Variants in APOBEC4 observed in about 807,000 individuals in gnomAD.
The protein encoded by APOBEC4 is putative deaminase APOBEC-4.
For synonymous variants in APOBEC4, 141 were observed against 154.2 expected, an observed-to-expected ratio of 0.91 and a Z score of 0.63; for missense variants, 375 against 441.2, an observed-to-expected ratio of 0.85 and a Z score of 1.34.
chr1:183,650,055 C>G (rs1179321836), intron 1 of APOBEC4, among the ~76,000 whole-genome samples: 1 of 152,168 alleles, frequency 6.6e-6, no homozygotes, highest in Non-Finnish European at 1.5e-5. Context: ...TCAAGTGATC[C>G]TCCTACCTTG....
At position 183,647,326 on chromosome 1, in the gene APOBEC4, T is replaced by G. The variant is rs527360202; in HGVS notation, c.*352A>C. 37 of 165,266 alleles carry G rather than the reference T, an allele frequency of 2.2e-4. 1 individual carries two copies. The South Asian group carries it at 4.0e-3, about 18-fold the overall frequency. The allele number at this position is 165,266 out of a possible 1,614,324, so 10.2% of individuals were successfully genotyped here. A position where few individuals can be genotyped will look rare whatever the true frequency, so the allele number is the denominator to read the frequency against. ...AGTAAATTTTTTACCGAAACAAATT[T>G]AGGTAGCTATTTTGTCCATGGGCTT... On this transcript the variant is annotated 3_prime_UTR_variant, in exon 2 of 2. Transcript: ENST00000308641.
In APOBEC4 at chr1:183,647,652, G is replaced by A. The variant is rs1304726468; in HGVS notation, c.*26C>T. On this transcript the variant is annotated 3_prime_UTR_variant, in exon 2 of 2. Transcript: ENST00000308641. ...CTATCTAATAAGTCCCTTGGTAATT[G>A]GTTTCATGCTGTAGGAATGTAGATT... 6.4e-7 allele frequency: 1 copy of A among 1,553,230 alleles called. No individual in the cohort carries two copies. The highest frequency in any genetic ancestry group is 2.3e-5 in the East Asian group (1 of 44,226).
At position 183,648,072 on chromosome 1, in the gene APOBEC4, G is replaced by A; in HGVS notation, c.710C>T (p.Pro237Leu). 6.2e-7 allele frequency: 1 copy of A among 1,614,226 alleles called. No homozygotes were observed. ...CTGGAGAAGAACATCAGTGAAGTAA[G>A]GTTTTACGCCTGTTATGGCATTGAT... Reference protein sequence around the residue: ...YEINAITGVKPYFTDVLLQTK... With the variant: ...YEINAITGVKLYFTDVLLQTK... The change falls in exon 2 of 2, where the codon CCT becomes CTT. Residue 237 changes from proline to leucine, a missense_variant. By Grantham distance (98) the Pro-to-Leu change is moderately conservative. Coordinates refer to ENST00000308641, the MANE Select transcript of APOBEC4 (RefSeq NM_203454.3).
At chr1:183,649,120 A>G (rs1303518035) in intron 1 of APOBEC4, among the ~76,000 whole-genome samples, 2 of 152,258 alleles carry the variant, frequency 1.3e-5, no homozygotes, top group African/African-American at 2.4e-5. Flanking sequence ...GCCAATTATC[A>G]GCTTGGTGGC....
intron 1 of APOBEC4, among the ~76,000 whole-genome samples, chr1:183,650,944 G>A (rs542827757): frequency 1.4e-3 from 219 of 152,054 alleles, no homozygotes; most frequent in African/African-American, 5.1e-3. Context: ...ATTCTTCTGT[G>A]AAATATATTT....
chr1:183,649,803 T>C (rs76253648), intron 1 of APOBEC4, among the ~76,000 whole-genome samples: 1,981 of 152,298 alleles, frequency 0.013, 48 homozygotes, highest in African/African-American at 0.046. Flanking sequence ...CCTATAATGC[T>C]CTAGGAGCTA....
In APOBEC4 at chr1:183,648,220, G is replaced by T; in HGVS notation, c.562C>A (p.Pro188Thr). The change falls in exon 2 of 2, where the codon CCA becomes ACA. Residue 188 changes from proline (P) to threonine (T), a missense_variant. By Grantham distance (38) the Pro-to-Thr change is conservative (BLOSUM62 -1). Transcript: ENST00000308641. ...ASLWPRVVLS[P>T]ISGGIWHSVL... ...GAATGCCAGATCCCACCACTTATTG[G>T]ACTCAAAACAACCCGCGGCCATAAG... 1 of 1,614,190 alleles carries T rather than the reference G, an allele frequency of 6.2e-7. No individual in the cohort carries two copies. Among genetic ancestry groups the T allele is most frequent in the South Asian group, 1.1e-5 (1 of 91,082 alleles).
chr1:183,647,777 C>T lies in APOBEC4; in HGVS notation c.1005G>A (p.Arg335=), dbSNP rs149833216. 21 of 1,614,200 alleles carry T rather than the reference C, an allele frequency of 1.3e-5. No individual in the cohort carries two copies. Among genetic ancestry groups the T allele is most frequent in the Non-Finnish European group, 1.6e-5 (19 of 1,180,036 alleles). Residue 335 remains arginine, a synonymous_variant, in exon 2 of 2, where the codon AGG becomes AGA. Transcript: ENST00000308641. ...TCTCCACTGACCTTCCAGTGGGAAGCCTTCCAAGGTCCTTGGTTTCCTGGA... is the reference window on the plus strand; with the variant it reads ...TCTCCACTGACCTTCCAGTGGGAAGTCTTCCAAGGTCCTTGGTTTCCTGGA... ...MSFQETKDLG[R]LPTGRSVEIV... is the part of the protein sequence containing the mutation.
intron 1 of APOBEC4, among the ~76,000 whole-genome samples, chr1:183,651,978 C>T (rs1011209663): frequency 1.3e-5 from 2 of 152,120 alleles, no homozygotes; most frequent in African/African-American, 2.4e-5. Context: ...TTGATGTGGT[C>T]GACTTATGGG....
intron 1 of APOBEC4, among the ~76,000 whole-genome samples, chr1:183,650,676 T>C (rs1650677681): frequency 6.6e-6 from 1 of 150,764 alleles, no homozygotes; most frequent in South Asian, 2.1e-4. Context: ...ATCTATTGCA[T>C]ATATTATATA....
chr1:183,648,396 T>C lies in APOBEC4; in HGVS notation c.386A>G (p.Glu129Gly). ...TTTGCTGATGCAGCAGTGGTTAGCTTCATTACAAGGGGAGTTGTTGGAATA... is the reference window on the plus strand; with the variant it reads ...TTTGCTGATGCAGCAGTGGTTAGCTCCATTACAAGGGGAGTTGTTGGAATA... The part of the protein sequence containing the change: ...ILYSNNSPCN[E>G]ANHCCISKMY... The change falls in exon 2 of 2, where the codon GAA becomes GGA. Residue 129 changes from glutamate to glycine, a missense_variant. Transcript: ENST00000308641. The C allele has an allele frequency of 6.2e-7, 1 of 1,614,220 alleles. No homozygotes were observed. Among genetic ancestry groups the C allele is most frequent in the Non-Finnish European group, 8.5e-7 (1 of 1,180,046 alleles).
rs1327892875 is a variant in APOBEC4, at chr1:183,648,145, G to A, written c.637C>T (p.Pro213Ser). The change falls in exon 2 of 2, where the codon CCC (proline) becomes TCC (serine). Residue 213 changes from proline to serine, a missense_variant. Transcript: ENST00000308641. The stretch of plus-strand genomic sequence containing the variant: ...GCCAGTGCTCTCCCAGTTAAAATGG[G>A]CTGAAAAACATGTGATCCTGAGACA... ...SGVSGSHVFQ[P>S]ILTGRALADR... 6.2e-7 allele frequency: 1 copy of A among 1,614,068 alleles called. No homozygotes were observed. The highest frequency in any genetic ancestry group is 1.3e-5 in the African/African-American group (1 of 74,910).
Position 183,647,844 on chromosome 1 carries a change from G to A in APOBEC4, c.938C>T (p.Pro313Leu), listed in dbSNP as rs1449241138. 3.1e-6 allele frequency: 5 copies of A among 1,614,120 alleles called. No homozygotes were observed. Among genetic ancestry groups the A allele is most frequent in the Non-Finnish European group, 3.4e-6 (4 of 1,180,018 alleles). ...PMHMGQNPNKPRNIVRHLNMP... is the reference protein window; with the variant it reads ...PMHMGQNPNKLRNIVRHLNMP... ...ATTTAAGTGCCTTACGATATTCCTG[G>A]GTTTATTTGGGTTTTGGCCCATATG... The change falls in exon 2 of 2, where the codon CCC becomes CTC. Residue 313 changes from proline (P) to leucine (L), a missense_variant. Coordinates refer to ENST00000308641, the MANE Select transcript of APOBEC4 (RefSeq NM_203454.3).
intron 1 of APOBEC4, among the ~76,000 whole-genome samples, chr1:183,652,524 A>C (rs113739149): frequency 3.3e-5 from 5 of 152,310 alleles, no homozygotes; most frequent in African/African-American, 7.2e-5. Flanking sequence ...CTCTTAGAGA[A>C]TTCATGGTTT....
chr1:183,648,464 G>A lies in APOBEC4; in HGVS notation c.318C>T (p.Asp106=). The A allele has an allele frequency of 6.2e-7, 1 of 1,614,228 alleles. No individual in the cohort carries two copies. Among genetic ancestry groups the A allele is most frequent in the Non-Finnish European group, 8.5e-7 (1 of 1,180,046 alleles). Residue 106 remains aspartate, a synonymous_variant, in exon 2 of 2, where the codon GAC becomes GAT. Transcript: ENST00000308641. ...SMLFEMNGYL[D]SAIYNNDSIR... is the part of the protein sequence containing the mutation. The stretch of plus-strand genomic sequence containing the variant: ...TGCTGTCATTATTGTATATGGCTGA[G>A]TCAAGATAACCATTCATTTCAAAGA...
chr1:183,647,811 T>C lies in APOBEC4; in HGVS notation c.971A>G (p.Gln324Arg). The C allele has an allele frequency of 6.2e-7, 1 of 1,614,118 alleles. No homozygotes were observed. Among genetic ancestry groups the C allele is most frequent in the African/African-American group, 1.3e-5 (1 of 74,926 alleles). ...RNIVRHLNMP[Q>R]MSFQETKDLG... ...GTCCTTGGTTTCCTGGAATGACATT[T>C]GAGGCATATTTAAGTGCCTTACGAT... The change falls in exon 2 of 2, where the codon CAA (glutamine) becomes CGA (arginine). Residue 324 changes from glutamine to arginine, a missense_variant. By Grantham distance (43) the Gln-to-Arg change is conservative (BLOSUM62 1). Coordinates refer to ENST00000308641, the MANE Select transcript of APOBEC4 (RefSeq NM_203454.3).
chr1:183,647,907 A>T lies in APOBEC4; in HGVS notation c.875T>A (p.Val292Asp). 6.2e-7 allele frequency: 1 copy of T among 1,614,200 alleles called. No individual in the cohort carries two copies. The highest frequency in any genetic ancestry group is 8.5e-7 in the Non-Finnish European group (1 of 1,180,034). Residue 292 changes from valine (V) to aspartate (D), a missense_variant, in exon 2 of 2, where the codon GTT becomes GAT. Val to Asp is a radical substitution (Grantham distance 152, BLOSUM62 -3). Transcript: ENST00000308641. ...GTCCCTGAGAGGCACTAGCACAAAA[A>T]CAACAGGAGCCCTGAGGTCTGGAGG... ...NLPPDLRAPV[V>D]FVLVPLRDLP...
chr1:183,647,520 C>CT lies in APOBEC4; in HGVS notation c.*157dup. On this transcript the variant is annotated 3_prime_UTR_variant, in exon 2 of 2. Coordinates refer to ENST00000308641, the MANE Select transcript of APOBEC4 (RefSeq NM_203454.3). ...TTGGATTATGTTTAAAATAGTGTAA[C>CT]TTTATAATAGTTGATATGGTAAATA... 4.1e-6 allele frequency: 5 copies of CT among 1,213,540 alleles called. No individual in the cohort carries two copies. Among genetic ancestry groups the CT allele is most frequent in the Non-Finnish European group, 5.5e-6 (5 of 910,678 alleles). The allele number at this position is 1,213,540 out of a possible 1,614,324, so 75.2% of individuals were successfully genotyped here.
At chr1:183,648,847 G>T (rs192632617) in intron 1 of APOBEC4, 36 bp from the exon 2 acceptor site, 20 of 1,343,428 alleles carry the variant, frequency 1.5e-5, no homozygotes, top group Non-Finnish European at 1.9e-5. Flanking sequence ...TAAAACCAGC[G>T]CAGGAAAAAC....
Sources: gnomAD v4.1 joint callset for allele counts (sites outside exome capture counted in the v4.1 genomes callset) on GRCh38, gnomAD v4.1.1 for gene constraint, MANE v1.5 for transcripts, NCBI Gene and HGNC (gene_info 2026-07-23, HGNC 2026-07-21) for gene names.